PDE10A: variants seen among roughly 807,000 people sequenced by gnomAD.
PDE10A encodes phosphodiesterase 10A.
PDE10A carries 39 observed loss-of-function variants against 97.7 expected under a neutral mutation model. The observed-to-expected ratio is 0.40, with a 90% confidence interval of 0.31 to 0.52. The LOEUF (loss-of-function observed/expected upper bound fraction) is 0.52. Ranked by LOEUF, PDE10A falls within the 20% of genes least tolerant of loss-of-function variation. The probability of loss-of-function intolerance (pLI) is 0.56; values close to 1 mark genes in which losing one functional copy is unlikely to be tolerated. For synonymous variants in PDE10A, 371 were observed against 376.8 expected, an observed-to-expected ratio of 0.98 and a Z score of 0.18; for missense variants, 731 against 1,047.8, an observed-to-expected ratio of 0.70 and a Z score of 4.17.
chr6:165,373,300 A>G (rs1562394784), intron 18 of PDE10A, among the ~76,000 whole-genome samples: 1 of 151,958 alleles, frequency 6.6e-6, no homozygotes, highest in Admixed American at 6.6e-5. Flanking sequence ...GCAACCTACA[A>G]AATGGGAGAA....
At position 165,478,651 on chromosome 6, in the gene PDE10A, C is replaced by T. The variant is rs759220875; in HGVS notation, c.1023+3664G>A. On this transcript the variant is annotated intron_variant, in intron 3 of 21. Transcript: ENST00000539869. Reference sequence around the variant, plus strand: ...TGTTGAAATGGCCCTGCAAAGCTGTCTCCTGGGGAAAATCTACATTCTGTA... The same window carrying T: ...TGTTGAAATGGCCCTGCAAAGCTGTTTCCTGGGGAAAATCTACATTCTGTA... Among the ~76,000 whole-genome samples the T allele has an allele frequency of 5.2e-4, 79 of 152,304 alleles. 1 individual carries two copies. Among genetic ancestry groups the T allele is most frequent in the South Asian group, 8.3e-4 (4 of 4,826 alleles).
chr6:165,399,946 T>C (rs943156476), intron 13 of PDE10A, among the ~76,000 whole-genome samples: 9 of 152,268 alleles, frequency 5.9e-5, no homozygotes, highest in African/African-American at 2.2e-4. Flanking sequence ...TACCCAGTAA[T>C]GGGATTGTTA....
chr6:165,432,454 G>A (rs924630029), intron 7 of PDE10A, among the ~76,000 whole-genome samples: 4 of 152,192 alleles, frequency 2.6e-5, no homozygotes, highest in Non-Finnish European at 5.9e-5. Context: ...GGTCGCAGGA[G>A]ATGGGTTCAT....
intron 1 of PDE10A, among the ~76,000 whole-genome samples, chr6:165,619,489 C>CTAGTGTAGTCTAGTG (rs1583657911): frequency 3.6e-5 from 1 of 28,144 alleles, no homozygotes; most frequent in Admixed American, 3.3e-4. Context: ...CTAGTGTAGT[C>CTAGTGTAGTCTAGTG]TAGTGTAGTC....
intron 18 of PDE10A, among the ~76,000 whole-genome samples, chr6:165,376,856 C>T (rs1784633865): frequency 6.6e-6 from 1 of 152,118 alleles, no homozygotes; most frequent in Non-Finnish European, 1.5e-5. Flanking sequence ...GAGTTTGAGG[C>T]TGCAGTGAGC....
At chr6:165,871,832 T>A (rs2498576) in intron 1 of PDE10A, among the ~76,000 whole-genome samples, 7 of 152,206 alleles carry the variant, frequency 4.6e-5, no homozygotes, top group Admixed American at 2.0e-4. Context: ...GGGGGTGGGG[T>A]TATGCTATGC....
At chr6:165,692,598 G>A (rs1791332122) in intron 1 of PDE10A, among the ~76,000 whole-genome samples, 1 of 152,158 alleles carries the variant, frequency 6.6e-6, no homozygotes, top group African/African-American at 2.4e-5. Flanking sequence ...TGTGGCTAAA[G>A]CCTACTGGTT....
At chr6:165,784,230 A>G (rs114250438) in intron 1 of PDE10A, among the ~76,000 whole-genome samples, 3,201 of 146,334 alleles carry the variant, frequency 0.022, 113 homozygotes, top group African/African-American at 0.082. Flanking sequence ...CTCAAAAAAA[A>G]AAAAAGAAAA....
chr6:165,457,379 A>T lies in PDE10A; in HGVS notation c.1024-7017T>A, dbSNP rs1475440366. 2.0e-5 allele frequency among the ~76,000 whole-genome samples: 3 copies of T among 152,174 alleles called. No homozygotes were observed. In the East Asian group the frequency reaches 5.8e-4, roughly 29 times the overall value. On this transcript the variant is annotated intron_variant, in intron 3 of 21. Coordinates refer to ENST00000539869, the MANE Select transcript of PDE10A (RefSeq NM_001385079.1). ...GGAGCTACACATTTTTCCCAAATCA[A>T]ATTGGATACCACCATCTTCATATTC...
chr6:165,590,834 T>C (rs1583601320), intron 1 of PDE10A, among the ~76,000 whole-genome samples: 1 of 151,926 alleles, frequency 6.6e-6, no homozygotes, highest in South Asian at 2.1e-4. Flanking sequence ...GAGCTTGCAG[T>C]GAGCCGAGAT....
intron 1 of PDE10A, among the ~76,000 whole-genome samples, chr6:165,826,375 C>T (rs537934477): frequency 1.5e-5 from 2 of 131,880 alleles, no homozygotes; most frequent in Non-Finnish European, 3.6e-5. Flanking sequence ...TCCTTGCATC[C>T]CTCTGTCCTC....
intron 1 of PDE10A, among the ~76,000 whole-genome samples, chr6:165,586,618 C>G (rs1785927813): frequency 6.6e-6 from 1 of 152,120 alleles, no homozygotes; most frequent in Admixed American, 6.5e-5. Flanking sequence ...GTTTACACCC[C>G]TGAAGTTATA....
At chr6:165,365,356 C>G (rs1379465728) in intron 18 of PDE10A, among the ~76,000 whole-genome samples, 3 of 151,928 alleles carry the variant, frequency 2.0e-5, no homozygotes, top group Non-Finnish European at 4.4e-5. Context: ...AAAACAAATC[C>G]CCAAACCATA....
At chr6:165,712,740 C>T (rs917669737) in intron 1 of PDE10A, among the ~76,000 whole-genome samples, 22 of 147,784 alleles carry the variant, frequency 1.5e-4, no homozygotes, top group Non-Finnish European at 2.8e-4. Context: ...CCCGGGTTCA[C>T]GCCATTCTGC....
At chr6:165,495,387 A>G (rs148292916) in intron 2 of PDE10A, among the ~76,000 whole-genome samples, 1 of 152,060 alleles carries the variant, frequency 6.6e-6, no homozygotes, top group Non-Finnish European at 1.5e-5. Context: ...GGAGAAAAAG[A>G]GGAAGGGAAA....
chr6:165,970,183 T>C (rs1784626570), intron 1 of PDE10A, among the ~76,000 whole-genome samples: 1 of 152,170 alleles, frequency 6.6e-6, no homozygotes, highest in African/African-American at 2.4e-5. Context: ...CCACAAGTCA[T>C]GGAAGCCCAC....
chr6:165,630,982 AATTTT>A (rs1283818244), intron 1 of PDE10A, among the ~76,000 whole-genome samples: 1 of 152,224 alleles, frequency 6.6e-6, no homozygotes, highest in African/African-American at 2.4e-5. Flanking sequence ...CAGTGTAGTG[AATTTT>A]ATTTTAACAA....
At chr6:165,337,085 C>T (rs572544275) in intron 20 of PDE10A, among the ~76,000 whole-genome samples, 24 of 152,190 alleles carry the variant, frequency 1.6e-4, no homozygotes, top group African/African-American at 5.8e-4. Flanking sequence ...TATCACAGCT[C>T]TTCCCATTTA....
intron 1 of PDE10A, among the ~76,000 whole-genome samples, chr6:165,740,493 C>T (rs968198622): frequency 1.1e-4 from 16 of 152,102 alleles, no homozygotes; most frequent in African/African-American, 3.1e-4. Context: ...ACCACGTGCT[C>T]GGCTAATTTT....
Sources: gnomAD v4.1 joint callset for allele counts (sites outside exome capture counted in the v4.1 genomes callset) on GRCh38, gnomAD v4.1.1 for gene constraint, MANE v1.5 for transcripts, NCBI Gene and HGNC (gene_info 2026-07-23, HGNC 2026-07-21) for gene names.